The following CACNA1D variants were observed in gnomAD, a reference collection of about 807,000 sequenced individuals.
CACNA1D encodes the protein voltage-dependent L-type calcium channel subunit alpha-1D.
CACNA1D carries 55 observed loss-of-function variants against 257.1 expected under a neutral mutation model. The ratio of observed to expected loss-of-function variants is 0.21; its 90% CI spans 0.17 to 0.27. The LOEUF (loss-of-function observed/expected upper bound fraction) is 0.27. Among genes scored for constraint, CACNA1D ranks in the 10% least tolerant of loss-of-function variants. The probability of loss-of-function intolerance (pLI) is 1.00; values close to 1 mark genes in which losing one functional copy is unlikely to be tolerated. For missense variants in CACNA1D, 1,876 were observed against 2,784.0 expected (o/e 0.67, Z 7.34); for synonymous variants, 980 against 1,014.9 (o/e 0.97, Z 0.65).
At chr3:53,706,785 T>C (rs1363144625) in intron 9 of CACNA1D, among the ~76,000 whole-genome samples, 1 of 152,100 alleles carries the variant, frequency 6.6e-6, no homozygotes, top group Admixed American at 6.5e-5. Context: ...CTCCCACCCT[T>C]CTGTGTCTCC....
rs190598407 is a variant in CACNA1D, at chr3:53,599,427, C to T, written c.484-51352C>T. Among the ~76,000 whole-genome samples, 37 of 151,818 alleles carry T rather than the reference C, an allele frequency of 2.4e-4. No homozygotes were observed. The East Asian group carries it at 4.1e-3, about 17-fold the overall frequency. On this transcript the variant is annotated intron_variant, in intron 3 of 47. Coordinates refer to ENST00000350061, the MANE Select transcript of CACNA1D (RefSeq NM_001128840.3). The stretch of plus-strand genomic sequence containing the variant: ...TATACAGGATTTTTTTTATATGAGT[C>T]GCAAAGTTATTTGCTTTGCTTTTGC...
At chr3:53,695,307 TC>T (rs1270057616) in intron 8 of CACNA1D, among the ~76,000 whole-genome samples, 3 of 152,148 alleles carry the variant, frequency 2.0e-5, no homozygotes, top group Non-Finnish European at 4.4e-5. Flanking sequence ...AGTTGCTGCA[TC>T]CCAGGGCAAC....
At chr3:53,559,866 A>G (rs1424929642) in intron 3 of CACNA1D, among the ~76,000 whole-genome samples, 1 of 152,082 alleles carries the variant, frequency 6.6e-6, no homozygotes, top group Non-Finnish European at 1.5e-5. Flanking sequence ...CAGGGAGAAA[A>G]AGAAGCAATG....
chr3:53,598,602 A>G (rs1203794752), intron 3 of CACNA1D, among the ~76,000 whole-genome samples: 2 of 151,820 alleles, frequency 1.3e-5, no homozygotes, highest in East Asian at 1.9e-4. Context: ...AAAAAAAAAA[A>G]AGAAAACCAA....
At chr3:53,603,832 G>A (rs181007592) in intron 3 of CACNA1D, among the ~76,000 whole-genome samples, 32 of 152,270 alleles carry the variant, frequency 2.1e-4, no homozygotes, top group Middle Eastern at 3.4e-3. Context: ...GCAGGGATAC[G>A]GGGTACTCAG....
intron 3 of CACNA1D, among the ~76,000 whole-genome samples, chr3:53,507,467 A>T (rs992578473): frequency 2.2e-4 from 34 of 152,014 alleles, no homozygotes; most frequent in African/African-American, 8.2e-4. Flanking sequence ...AAAAAAAAAA[A>T]ATTAGCTGGG....
rs765175731 is a variant in CACNA1D, at chr3:53,747,351, C to G, written c.3217C>G (p.Arg1073Gly). Residue 1073 changes from arginine (R) to glycine (G), a missense_variant, in exon 26 of 48, where the codon CGT (arginine) becomes GGT (glycine). By Grantham distance (125) the Arg-to-Gly change is moderately radical (BLOSUM62 -2). Around this residue, in one of 10 missense-constraint regions of CACNA1D, gnomAD observed 271 missense variants for 425.5 expected, o/e 0.64. Transcript: ENST00000350061. ...KDGDVDSPVV[R>G]ERIWQNSDFN... ...TGGGGATGTTGACAGTCCTGTGGTC[C>G]GTGAACGGATCTGGCAAAACAGTGA... The G allele has an allele frequency of 6.2e-7, 1 of 1,613,804 alleles. No individual in the cohort carries two copies. Among genetic ancestry groups the G allele is most frequent in the Non-Finnish European group, 8.5e-7 (1 of 1,179,672 alleles).
chr3:53,624,443 G>T (rs1052635072), intron 3 of CACNA1D, among the ~76,000 whole-genome samples: 1 of 152,226 alleles, frequency 6.6e-6, no homozygotes, highest in African/African-American at 2.4e-5. Flanking sequence ...AGTGAGGTTG[G>T]CTCTGCCTGC....
chr3:53,734,032 A>G (rs941522324), intron 19 of CACNA1D, among the ~76,000 whole-genome samples: 1,852 of 145,212 alleles, frequency 0.013, 51 homozygotes, highest in African/African-American at 0.044. Context: ...ATATATATAT[A>G]TATATATATA....
intron 24 of CACNA1D, 40 bp downstream of exon 24, chr3:53,745,771 T>C (rs368878872): frequency 2.5e-6 from 4 of 1,604,488 alleles, no homozygotes; most frequent in Non-Finnish European, 3.4e-6. Flanking sequence ...CAGGTGGATT[T>C]CTTTAAGGAG....
intron 3 of CACNA1D, among the ~76,000 whole-genome samples, chr3:53,620,198 G>A (rs2093680553): frequency 6.6e-6 from 1 of 152,192 alleles, no homozygotes; most frequent in South Asian, 2.1e-4. Flanking sequence ...CATGGGCAGT[G>A]TGTATGGAGG....
intron 45 of CACNA1D, 32 bp downstream of exon 45, chr3:53,805,178 C>G: frequency 6.2e-7 from 1 of 1,604,882 alleles, no homozygotes; most frequent in Non-Finnish European, 8.5e-7. Flanking sequence ...TGGGTGGAAC[C>G]TCCCGGGGAA....
intron 25 of CACNA1D, 48 bp from the exon 26 acceptor site, chr3:53,747,254 A>C: frequency 6.4e-7 from 1 of 1,569,828 alleles, no homozygotes; most frequent in Non-Finnish European, 8.8e-7. Flanking sequence ...CGCTGCTTCC[A>C]CCTGTCATGT....
chr3:53,609,672 T>A (rs559968413), intron 3 of CACNA1D, among the ~76,000 whole-genome samples: 1 of 152,358 alleles, frequency 6.6e-6, no homozygotes, highest in Admixed American at 6.5e-5. Flanking sequence ...GCGATCAGTC[T>A]AGCTGGAAAT....
chr3:53,751,604 G>A lies in CACNA1D; in HGVS notation c.3517-145G>A, dbSNP rs2095226807. On this transcript the variant is annotated intron_variant, in intron 27 of 47. Transcript: ENST00000350061. The surrounding 1 kb of genome is among the most constrained non-coding windows in gnomAD (Gnocchi z 4.3). ...TCAAGAGTGGTGCCAGCAGCAGGAA[G>A]GGGGTCACTCGTAATCATTTTCACC... 3 of 810,118 alleles carry A rather than the reference G, an allele frequency of 3.7e-6. No individual in the cohort carries two copies. Among genetic ancestry groups the A allele is most frequent in the South Asian group, 3.0e-5 (2 of 67,492 alleles). The allele number at this position is 810,118 out of a possible 1,614,324, so 50.2% of individuals were successfully genotyped here.
In CACNA1D at chr3:53,743,042, G is replaced by A; in HGVS notation, c.2843G>A (p.Gly948Glu). Residue 948 changes from glycine to glutamate, a missense_variant, in exon 22 of 48, where the codon GGG (glycine) becomes GAG (glutamate). Physicochemically the swap from Gly to Glu is moderately conservative, Grantham distance 98. This residue lies in a region of CACNA1D where 271 missense variants were observed against 425.5 expected (regional missense o/e 0.64). Coordinates refer to ENST00000350061, the MANE Select transcript of CACNA1D (RefSeq NM_001128840.3). Reference sequence around the variant, plus strand: ...ACTTTTGGAGCTTTCCTCCACAAAGGGGCCTTCTGCAGGAACTACTTCAAT... The same window carrying A: ...ACTTTTGGAGCTTTCCTCCACAAAGAGGCCTTCTGCAGGAACTACTTCAAT... ...MTTFGAFLHKGAFCRNYFNLL... is the reference protein window; with the variant it reads ...MTTFGAFLHKEAFCRNYFNLL... 1 of 1,613,338 alleles carries A rather than the reference G, an allele frequency of 6.2e-7. No individual in the cohort carries two copies.
intron 9 of CACNA1D, among the ~76,000 whole-genome samples, chr3:53,707,199 C>A (rs2094699357): frequency 6.6e-6 from 1 of 152,132 alleles, no homozygotes; most frequent in Non-Finnish European, 1.5e-5. Context: ...CGATGCCCAA[C>A]ACTGGCTGTA....
intron 3 of CACNA1D, among the ~76,000 whole-genome samples, chr3:53,544,177 A>G (rs2092362764): frequency 6.6e-6 from 1 of 152,162 alleles, no homozygotes; most frequent in African/African-American, 2.4e-5. Flanking sequence ...GCTGTGGTCT[A>G]ACTCAGAGAG....
At chr3:53,502,907 C>A (rs2090664909) in intron 3 of CACNA1D, among the ~76,000 whole-genome samples, 1 of 152,146 alleles carries the variant, frequency 6.6e-6, no homozygotes, top group Non-Finnish European at 1.5e-5. Context: ...TTAGCTGGTT[C>A]CGTTTGTTTT....
Sources: gnomAD v4.1 joint callset for allele counts (sites outside exome capture counted in the v4.1 genomes callset) on GRCh38, gnomAD v4.1.1 for gene constraint, gnomAD v4.1.1 regional missense constraint, Gnocchi (gnomAD v3.1) non-coding constraint, MANE v1.5 for transcripts, NCBI Gene and HGNC (gene_info 2026-07-23, HGNC 2026-07-21) for gene names.